Variants in MBD5 observed in about 807,000 individuals in gnomAD.
The protein encoded by MBD5 is methyl-CpG binding domain protein 5.
In MBD5, 13 loss-of-function variants were observed where a neutral mutation model predicts 117.3. The ratio of observed to expected loss-of-function variants is 0.11; its 90% CI spans 0.07 to 0.18. The LOEUF (loss-of-function observed/expected upper bound fraction) is 0.18. Among genes scored for constraint, MBD5 ranks in the 10% least tolerant of loss-of-function variants. The probability of loss-of-function intolerance (pLI) is 1.00; values close to 1 mark genes in which losing one functional copy is unlikely to be tolerated. For missense variants in MBD5, 1,879 were observed against 2,093.8 expected, an observed-to-expected ratio of 0.90 and a Z score of 2.00; for synonymous variants, 727 against 766.4, an observed-to-expected ratio of 0.95 and a Z score of 0.85.
chr2:148,334,340 T>G (rs79314495), intron 3 of MBD5, among the ~76,000 whole-genome samples: 1 of 148,238 alleles, frequency 6.7e-6, no homozygotes, highest in Non-Finnish European at 1.5e-5. Context: ...ATTTGTTTTG[T>G]TTTTTTTTTA....
At chr2:148,080,941 C>T (rs114686841) in intron 1 of MBD5, among the ~76,000 whole-genome samples, 50 of 152,140 alleles carry the variant, frequency 3.3e-4, no homozygotes, top group Middle Eastern at 3.4e-3. Context: ...AGAATAAATA[C>T]GTTTTAACAA....
chr2:148,203,341 C>T (rs1033898600), intron 2 of MBD5, among the ~76,000 whole-genome samples: 1 of 152,126 alleles, frequency 6.6e-6, no homozygotes, highest in Non-Finnish European at 1.5e-5. Context: ...CCTGAAAATG[C>T]AGTTTATCAG....
rs557672857 is a variant in MBD5 at position 148,505,463 on chromosome 2, A to C, written c.5036+2954A>C. 6.2e-4 allele frequency among the ~76,000 whole-genome samples: 95 copies of C among 152,306 alleles called. 2 individuals carry two copies. The South Asian group carries it at 0.02, about 31-fold the overall frequency. On this transcript the variant is annotated intron_variant, in intron 12 of 13. Transcript: ENST00000642680. ...CAGTGAGGAGGAGGAGAATCAGGGA[A>C]AGTAGACAGAGTCTCAGAAGTCAAA...
chr2:148,055,481 G>T (rs1335592563), intron 1 of MBD5: 1 of 149,216 alleles, frequency 6.7e-6, no homozygotes, highest in Non-Finnish European at 1.5e-5. Context: ...AGGCTGGAGT[G>T]CAGGAGTGCA....
chr2:148,340,345 G>C (rs573750806), intron 3 of MBD5, among the ~76,000 whole-genome samples: 2 of 152,012 alleles, frequency 1.3e-5, no homozygotes, highest in East Asian at 3.9e-4. Flanking sequence ...ATTTTTTATT[G>C]TTAAATTTAG....
chr2:148,332,099 A>T (rs1702673753), intron 3 of MBD5, among the ~76,000 whole-genome samples: 1 of 152,094 alleles, frequency 6.6e-6, no homozygotes, highest in Admixed American at 6.5e-5. Context: ...ACATGATTAT[A>T]TTTCTACTTC....
At chr2:148,311,056 T>C (rs756669090) in intron 3 of MBD5, among the ~76,000 whole-genome samples, 2 of 152,202 alleles carry the variant, frequency 1.3e-5, no homozygotes, top group Non-Finnish European at 2.9e-5. Flanking sequence ...GAGGAGTGTT[T>C]TACTTCTAAT....
chr2:148,297,250 CT>C lies in MBD5; in HGVS notation c.-679-44963del, dbSNP rs1701676942. ...TTCTAGATAGCATATTGTAGCAATT[CT>C]GAATATTAGTCCTCAATATTTGTCA... On this transcript the variant is annotated intron_variant, in intron 3 of 13. Coordinates refer to ENST00000642680, the MANE Select transcript of MBD5 (RefSeq NM_001378120.1). Among the ~76,000 whole-genome samples, 3 of 152,222 alleles carry C rather than the reference CT, an allele frequency of 2.0e-5. No individual in the cohort carries two copies. The East Asian group carries it at 5.8e-4, about 29-fold the overall frequency.
chr2:148,078,338 A>C (rs890696712), intron 1 of MBD5, among the ~76,000 whole-genome samples: 1 of 152,110 alleles, frequency 6.6e-6, no homozygotes, highest in African/African-American at 2.4e-5. Flanking sequence ...GAGCTTATAT[A>C]CTAGATGTCC....
chr2:148,324,301 G>T (rs1343011755), intron 3 of MBD5, among the ~76,000 whole-genome samples: 5 of 152,068 alleles, frequency 3.3e-5, no homozygotes, highest in Non-Finnish European at 7.4e-5. Flanking sequence ...TGTTCTTTTG[G>T]CTCAGGATTG....
At chr2:148,335,290 A>G (rs920157394) in intron 3 of MBD5, among the ~76,000 whole-genome samples, 1 of 152,150 alleles carries the variant, frequency 6.6e-6, no homozygotes, top group African/African-American at 2.4e-5. Context: ...CTTAGGTGAG[A>G]GGGTGGCTTG....
chr2:148,370,642 C>A (rs1703825083), intron 4 of MBD5, among the ~76,000 whole-genome samples: 2 of 152,088 alleles, frequency 1.3e-5, no homozygotes, highest in African/African-American at 2.4e-5. Flanking sequence ...ATGTGCACCA[C>A]TACACTTGGC....
chr2:148,454,678 G>A (rs746299215), intron 4 of MBD5, among the ~76,000 whole-genome samples: 102 of 151,982 alleles, frequency 6.7e-4, no homozygotes, highest in Non-Finnish European at 4.6e-4. Flanking sequence ...GAGGGTGAGG[G>A]ATAGTATTTA....
intron 4 of MBD5, among the ~76,000 whole-genome samples, chr2:148,407,688 A>G (rs901555650): frequency 2.0e-5 from 3 of 151,754 alleles, no homozygotes; most frequent in Admixed American, 1.3e-4. Context: ...CTATAGATTT[A>G]ATTGTTCATT....
chr2:148,205,085 TA>T (rs1040915522), intron 2 of MBD5, among the ~76,000 whole-genome samples: 13 of 152,074 alleles, frequency 8.5e-5, no homozygotes, highest in African/African-American at 2.9e-4. Flanking sequence ...ATTTTTATTT[TA>T]TTTTTTTTTG....
At chr2:148,241,219 A>T (rs6746496) in intron 3 of MBD5, among the ~76,000 whole-genome samples, 2,073 of 152,246 alleles carry the variant, frequency 0.014, 40 homozygotes, top group African/African-American at 0.046. Flanking sequence ...CAGTTAAATC[A>T]GTAGCTGCTC....
At chr2:148,367,907 A>G (rs1703748766) in intron 4 of MBD5, among the ~76,000 whole-genome samples, 1 of 152,204 alleles carries the variant, frequency 6.6e-6, no homozygotes, top group African/African-American at 2.4e-5. Context: ...ATTATTGTGG[A>G]AGACAGTGTG....
At chr2:148,181,915 A>G (rs190412333) in intron 2 of MBD5, among the ~76,000 whole-genome samples, 5 of 152,258 alleles carry the variant, frequency 3.3e-5, no homozygotes, top group Admixed American at 1.3e-4. Context: ...TGTCCTAACT[A>G]TATTGCTAAA....
chr2:148,329,907 C>G (rs935547066), intron 3 of MBD5, among the ~76,000 whole-genome samples: 8 of 151,970 alleles, frequency 5.3e-5, no homozygotes, highest in Admixed American at 3.3e-4. Context: ...ATAACAGTTA[C>G]CATTTGCATG....
Sources: allele counts gnomAD v4.1 joint callset (sites outside exome capture counted in the v4.1 genomes callset), GRCh38; gene constraint gnomAD v4.1.1; transcripts MANE v1.5; gene names NCBI Gene and HGNC (gene_info 2026-07-23, HGNC 2026-07-21).